Variants in MAGI2 observed in about 807,000 individuals in gnomAD.
The protein encoded by MAGI2 is membrane associated guanylate kinase, WW and PDZ domain containing 2, also known as membrane-associated guanylate kinase, WW and PDZ domain-containing protein 2.
Under a neutral mutation model 133.3 loss-of-function variants are expected in MAGI2, and 35 were observed. That is an observed-to-expected ratio of 0.26 (90% confidence interval 0.20 to 0.35). The LOEUF is 0.35. Ranked by LOEUF, MAGI2 falls within the 10% of genes least tolerant of loss-of-function variation. MAGI2 has a pLI of 1.00. For missense variants in MAGI2, 1,636 were observed against 1,863.4 expected, an observed-to-expected ratio of 0.88 and a Z score of 2.25; for synonymous variants, 729 against 710.6, an observed-to-expected ratio of 1.03 and a Z score of -0.41.
At chr7:78,225,510 C>T (rs1157304309) in intron 10 of MAGI2, among the ~76,000 whole-genome samples, 1 of 152,068 alleles carries the variant, frequency 6.6e-6, no homozygotes. Context: ...CCAACATGCA[C>T]CTGTATTTGT....
At chr7:78,571,435 G>A (rs528710475) in intron 3 of MAGI2, among the ~76,000 whole-genome samples, 26 of 152,208 alleles carry the variant, frequency 1.7e-4, no homozygotes, top group African/African-American at 5.1e-4. Context: ...AATTTATGAC[G>A]GCTCAAAGAT....
intron 2 of MAGI2, among the ~76,000 whole-genome samples, chr7:78,824,394 C>T (rs978403865): frequency 8.5e-5 from 13 of 152,200 alleles, no homozygotes; most frequent in African/African-American, 3.1e-4. Context: ...CTCCCACCAA[C>T]AGTGTAAAAG....
intron 1 of MAGI2, among the ~76,000 whole-genome samples, chr7:79,092,122 A>C (rs905548637): frequency 6.6e-6 from 1 of 152,174 alleles, no homozygotes; most frequent in African/African-American, 2.4e-5. Context: ...TTGTTAACAT[A>C]CATTGCATTT....
intron 1 of MAGI2, among the ~76,000 whole-genome samples, chr7:79,128,959 C>G (rs965354223): frequency 5.3e-5 from 8 of 152,188 alleles, no homozygotes; most frequent in Admixed American, 3.9e-4. Context: ...CAACCTCCAT[C>G]TCTCGAGTTC....
intron 1 of MAGI2, among the ~76,000 whole-genome samples, chr7:79,054,982 G>A (rs866273154): frequency 5.3e-5 from 8 of 152,050 alleles, no homozygotes; most frequent in Non-Finnish European, 1.0e-4. Flanking sequence ...TAGTAAAGAC[G>A]GGGTTTCACC....
chr7:78,458,203 G>A (rs2151500683), intron 6 of MAGI2, among the ~76,000 whole-genome samples: 1 of 150,864 alleles, frequency 6.6e-6, no homozygotes, highest in East Asian at 2.0e-4. Context: ...GGCTGAGGCA[G>A]GAGAATCACT....
At chr7:78,403,736 T>C (rs1797118422) in intron 6 of MAGI2, among the ~76,000 whole-genome samples, 1 of 152,176 alleles carries the variant, frequency 6.6e-6, no homozygotes, top group African/African-American at 2.4e-5. Context: ...TGATTTGCAT[T>C]TCTCTGATGG....
chr7:78,573,291 AATAT>A (rs796996861), intron 3 of MAGI2, among the ~76,000 whole-genome samples: 3 of 53,354 alleles, frequency 5.6e-5, no homozygotes, highest in African/African-American at 1.9e-4. Context: ...TATTTATATA[AATAT>A]ATATATTTAT....
At chr7:78,776,125 T>G (rs1825968235) in intron 2 of MAGI2, among the ~76,000 whole-genome samples, 1 of 152,236 alleles carries the variant, frequency 6.6e-6, no homozygotes, top group African/African-American at 2.4e-5. Flanking sequence ...GTTTAGCATT[T>G]AGTACAATGC....
In MAGI2 at chr7:78,501,658, G is replaced by A. The variant is rs1163161160; in HGVS notation, c.884C>T (p.Pro295Leu). 6.2e-7 allele frequency: 1 copy of A among 1,614,094 alleles called. No individual in the cohort carries two copies. Among genetic ancestry groups the A allele is most frequent in the East Asian group, 2.2e-5 (1 of 44,862 alleles). Residue 295 changes from proline to leucine, a missense_variant, in exon 5 of 22, where the codon CCT (proline) becomes CTT (leucine). Physicochemically the swap from Pro to Leu is moderately conservative, Grantham distance 98 (BLOSUM62 -3). Transcript: ENST00000354212. ...TGGGTCTGGTTCCTCATTGTCTTCA[G>A]GTTTAGTTGGCTTTGTGTCATCCAT... is the stretch of plus-strand genomic sequence containing the variant. ...EQMDDTKPTK[P>L]EDNEEPDPLP...
chr7:79,443,818 T>A (rs913561739), intron 1 of MAGI2, among the ~76,000 whole-genome samples: 1 of 152,172 alleles, frequency 6.6e-6, no homozygotes, highest in African/African-American at 2.4e-5. Flanking sequence ...CAATGTAATA[T>A]AAAAATAGAT....
At chr7:78,454,026 G>A (rs1051077313) in intron 6 of MAGI2, among the ~76,000 whole-genome samples, 4 of 151,928 alleles carry the variant, frequency 2.6e-5, no homozygotes, top group East Asian at 1.9e-4. Flanking sequence ...TTTATCTTTC[G>A]TGTTGAAATG....
intron 1 of MAGI2, among the ~76,000 whole-genome samples, chr7:79,447,076 A>G (rs1848906605): frequency 6.6e-6 from 1 of 152,244 alleles, no homozygotes; most frequent in Admixed American, 6.5e-5. Context: ...AAAACAGTCA[A>G]CAATATATAT....
At chr7:78,516,880 A>C (rs981394030) in intron 4 of MAGI2, among the ~76,000 whole-genome samples, 2 of 152,344 alleles carry the variant, frequency 1.3e-5, no homozygotes, top group South Asian at 4.1e-4. Flanking sequence ...AAACAAAATG[A>C]TAATTCTGAG....
intron 6 of MAGI2, among the ~76,000 whole-genome samples, chr7:78,431,105 T>TGTGTGTGTGTGTGTGTGTGTG (rs1562984625): frequency 1.3e-5 from 2 of 151,578 alleles, no homozygotes; most frequent in Admixed American, 6.6e-5. Flanking sequence ...TGTGTGTGTG[T>TGTGTGTGTGTGTGTGTGTGTG]TTTAAGCAAA....
intron 2 of MAGI2, among the ~76,000 whole-genome samples, chr7:78,969,684 C>A (rs1304724389): frequency 6.6e-6 from 1 of 151,960 alleles, no homozygotes; most frequent in African/African-American, 2.4e-5. Flanking sequence ...ATACTTAACC[C>A]TACATTTGTG....
chr7:79,235,321 C>T (rs1001657230), intron 1 of MAGI2, among the ~76,000 whole-genome samples: 21 of 152,292 alleles, frequency 1.4e-4, no homozygotes, highest in Non-Finnish European at 2.4e-4. Flanking sequence ...GTGGGCTCCA[C>T]CCAGTTCGAG....
At chr7:79,199,383 ATTG>A (rs781358215) in intron 1 of MAGI2, among the ~76,000 whole-genome samples, 23 of 152,132 alleles carry the variant, frequency 1.5e-4, no homozygotes, top group Non-Finnish European at 2.9e-4. Context: ...ACGTTTAAGA[ATTG>A]TTAAGTCTTT....
chr7:79,158,168 G>A (rs1474224125), intron 1 of MAGI2, among the ~76,000 whole-genome samples: 1 of 151,744 alleles, frequency 6.6e-6, no homozygotes, highest in African/African-American at 2.4e-5. Flanking sequence ...TGCCTAGGAT[G>A]GTGAAACAGG....
Sources: allele counts gnomAD v4.1 joint callset (sites outside exome capture counted in the v4.1 genomes callset), GRCh38; gene constraint gnomAD v4.1.1; transcripts MANE v1.5; gene names NCBI Gene and HGNC (gene_info 2026-07-23, HGNC 2026-07-21).